The following TEX14 variants were observed in gnomAD, a reference collection of about 807,000 sequenced individuals.
The protein encoded by TEX14 is testis expressed 14, intercellular bridge forming factor.
In TEX14, 168 loss-of-function variants were observed where a neutral mutation model predicts 178.6. The observed-to-expected ratio is 0.94, with a 90% CI of 0.83 to 1.07. The LOEUF is 1.07. Among genes scored for constraint, TEX14 ranks in the 50% least tolerant of loss-of-function variants. The pLI is 0.00. For missense variants in TEX14, 1,730 were observed against 1,753.6 expected (o/e 0.99, Z 0.24); for synonymous variants, 626 against 634.1 (o/e 0.99, Z 0.19).
intron 1 of TEX14, among the ~76,000 whole-genome samples, chr17:58,671,475 C>T (rs1294763762): frequency 6.6e-6 from 1 of 152,078 alleles, no homozygotes; most frequent in East Asian, 1.9e-4. Flanking sequence ...GGGGGCATTC[C>T]TCAGAACTGA....
At chr17:58,640,670 A>G (rs1217589999) in intron 2 of TEX14, among the ~76,000 whole-genome samples, 1 of 151,896 alleles carries the variant, frequency 6.6e-6, no homozygotes, top group African/African-American at 2.4e-5. Context: ...AATGATAAAT[A>G]ATGAGGCATG....
At chr17:58,586,136 A>T (rs1298710616) in intron 17 of TEX14, 54 bp from the exon 18 acceptor site, 19 of 1,531,522 alleles carry the variant, frequency 1.2e-5, no homozygotes, top group Non-Finnish European at 1.4e-5. Context: ...CTGGAAACAC[A>T]GGCTTTCATC....
At chr17:58,688,059 C>A (rs2047630441) in intron 1 of TEX14, among the ~76,000 whole-genome samples, 2 of 152,126 alleles carry the variant, frequency 1.3e-5, no homozygotes, top group African/African-American at 2.4e-5. Flanking sequence ...TGGATCAAGT[C>A]AAAGAAAATA....
chr17:58,666,489 C>CAAAAAAAAAAAAAAAAAAAAAAAAAAAA (rs2047210400), intron 1 of TEX14: 3 of 46,732 alleles, frequency 6.4e-5, no homozygotes. Flanking sequence ...AAAAAAAAAG[C>CAAAAAAAAAAAAAAAAAAAAAAAAAAAA]AAAAGCTAAT....
intron 2 of TEX14, among the ~76,000 whole-genome samples, chr17:58,640,746 C>T (rs1469276898): frequency 1.3e-5 from 2 of 151,786 alleles, no homozygotes; most frequent in African/African-American, 4.8e-5. Context: ...TTTATTGAGA[C>T]GGTCTTGCTC....
chr17:58,660,853 C>G lies in TEX14; in HGVS notation c.-1-8851G>C, dbSNP rs754335755. 36 of 792,336 alleles carry G rather than the reference C, an allele frequency of 4.5e-5. No individual in the cohort carries two copies. In the Admixed American group the frequency reaches 5.1e-4, roughly 11 times the overall value. The allele number at this position is 792,336 out of a possible 1,614,324, so 49.1% of individuals were successfully genotyped here. A position where few individuals can be genotyped will look rare whatever the true frequency, so the allele number is the denominator to read the frequency against. On this transcript the variant is annotated intron_variant, in intron 1 of 31. Transcript: ENST00000349033. ...CAAATACTTTGGCTTGCGCCATGTT[C>G]CGAGTGAGAATGAAGGGTTTCATTG...
At chr17:58,659,321 G>A (rs1258020212) in intron 1 of TEX14, 3 of 981,498 alleles carry the variant, frequency 3.1e-6, no homozygotes, top group African/African-American at 1.7e-5. Context: ...ACTTAATATT[G>A]CTAATACCTT....
chr17:58,636,497 A>G (rs2046435610), intron 2 of TEX14, among the ~76,000 whole-genome samples: 1 of 152,236 alleles, frequency 6.6e-6, no homozygotes, highest in Admixed American at 6.5e-5. Flanking sequence ...AATCCTCACA[A>G]CTGTACAAGA....
chr17:58,604,109 C>T (rs1312281356), intron 11 of TEX14, among the ~76,000 whole-genome samples: 1 of 151,784 alleles, frequency 6.6e-6, no homozygotes, highest in African/African-American at 2.4e-5. Flanking sequence ...CTAGTCTTTC[C>T]CCCTAATTTA....
intron 1 of TEX14, among the ~76,000 whole-genome samples, chr17:58,670,968 C>T (rs1433595433): frequency 2.0e-5 from 3 of 152,038 alleles, no homozygotes; most frequent in Non-Finnish European, 2.9e-5. Context: ...TAAATATATA[C>T]AATTGGGACA....
Position 58,611,183 on chromosome 17 carries a change from T to G in TEX14, c.1162A>C (p.Asn388His), listed in dbSNP as rs116788616. 33 of 1,613,880 alleles carry G rather than the reference T, an allele frequency of 2.0e-5. No homozygotes were observed. In the African/African-American group the frequency reaches 4.1e-4, roughly 20 times the overall value. ...CACCTTTCCAACATGTACTCCAGGTTGGTCAGCCTCGCTTCACCTGGGGAG... is the reference window on the plus strand; with the variant it reads ...CACCTTTCCAACATGTACTCCAGGTGGGTCAGCCTCGCTTCACCTGGGGAG... ...IISPGEARLT[N>H]LEYMLESEDR... The change falls in exon 10 of 32, where the codon AAC (asparagine) becomes CAC (histidine). Residue 388 changes from asparagine (N) to histidine (H), a missense_variant. Physicochemically the swap from Asn to His is moderately conservative, Grantham distance 68 (BLOSUM62 1). Transcript: ENST00000349033.
intron 15 of TEX14, among the ~76,000 whole-genome samples, chr17:58,590,434 G>A (rs937807165): frequency 6.6e-6 from 1 of 151,972 alleles, no homozygotes; most frequent in African/African-American, 2.4e-5. Context: ...AATCCAAAAT[G>A]CAAAAACAAA....
intron 23 of TEX14, among the ~76,000 whole-genome samples, chr17:58,572,756 T>C (rs1294869763): frequency 6.6e-6 from 1 of 152,142 alleles, no homozygotes; most frequent in Non-Finnish European, 1.5e-5. Flanking sequence ...TAAACGGTGA[T>C]TTTTTAAACC....
rs191413606 is a variant in TEX14, at chr17:58,559,671, A to C, written c.4158-109T>G. ...ACAACAACAACAACAACAAAACCAT[A>C]TAATAGCTAGCACTAACAAGAGTGT... On this transcript the variant is annotated intron_variant, in intron 29 of 31. Coordinates refer to ENST00000349033, the MANE Select transcript of TEX14 (RefSeq NM_031272.5). 2.5e-4 allele frequency: 166 copies of C among 666,370 alleles called. 1 individual carries two copies. The African/African-American group carries it at 2.8e-3, about 11-fold the overall frequency. 41.3% of individuals were successfully genotyped at this position (666,370 alleles called of 1,614,324 possible).
intron 29 of TEX14, 54 bp from the exon 30 acceptor site, chr17:58,559,616 C>G: frequency 1.2e-6 from 1 of 826,234 alleles, no homozygotes; most frequent in Non-Finnish European, 2.1e-6. Context: ...GCCAAGAAAA[C>G]AGGACTGTAC....
Position 58,611,205 on chromosome 17 carries a change from G to A in TEX14, c.1140C>T (p.Ser380=). 6 of 1,614,024 alleles carry A rather than the reference G, an allele frequency of 3.7e-6. No individual in the cohort carries two copies. The highest frequency in any genetic ancestry group is 5.1e-6 in the Non-Finnish European group (6 of 1,179,960). ...SLSSYAVHII[S]PGEARLTNLE... ...GGTTGGTCAGCCTCGCTTCACCTGG[G>A]GAGATGATATGGACAGCATAGGAGC... The change falls in exon 10 of 32, where the codon TCC becomes TCT. Residue 380 remains serine (S), a synonymous_variant. Transcript: ENST00000349033.
At chr17:58,557,117 A>T in intron 31 of TEX14, 70 bp from the exon 32 acceptor site, 2 of 1,199,020 alleles carry the variant, frequency 1.7e-6, no homozygotes, top group Middle Eastern at 1.9e-4. Context: ...TAAAGACACA[A>T]ACCACATCCT....
At chr17:58,655,261 A>G (rs1053515790) in intron 1 of TEX14, among the ~76,000 whole-genome samples, 2 of 151,760 alleles carry the variant, frequency 1.3e-5, no homozygotes, top group African/African-American at 4.8e-5. Context: ...TCAGCTCACC[A>G]CAACCTCCGC....
chr17:58,672,213 C>T (rs981605695), intron 1 of TEX14, among the ~76,000 whole-genome samples: 1 of 152,156 alleles, frequency 6.6e-6, no homozygotes, highest in African/African-American at 2.4e-5. Flanking sequence ...GACATCACCT[C>T]CTGCTGTGCG....
Sources: allele counts gnomAD v4.1 joint callset (sites outside exome capture counted in the v4.1 genomes callset), GRCh38; gene constraint gnomAD v4.1.1; transcripts MANE v1.5; gene names NCBI Gene and HGNC (gene_info 2026-07-23, HGNC 2026-07-21).